The following CHRM3 variants were observed in gnomAD, a reference collection of about 807,000 sequenced individuals.
CHRM3 encodes muscarinic acetylcholine receptor M3.
Under a neutral mutation model 41.8 loss-of-function variants are expected in CHRM3, and 11 were observed. That is an observed-to-expected ratio of 0.26 (90% confidence interval 0.17 to 0.44). The LOEUF (loss-of-function observed/expected upper bound fraction) is 0.44, where lower values mean the gene tolerates loss of function less well. Among genes scored for constraint, CHRM3 ranks in the 20% least tolerant of loss-of-function variants. CHRM3 has a pLI of 1.00. For missense variants in CHRM3, 571 were observed against 745.4 expected (o/e 0.77, Z 2.72); for synonymous variants, 297 against 301.4 (o/e 0.99, Z 0.15).
intron 2 of CHRM3, among the ~76,000 whole-genome samples, chr1:239,501,574 G>A (rs916739684): frequency 1.1e-4 from 16 of 152,232 alleles, no homozygotes; most frequent in African/African-American, 3.9e-4. Context: ...CTTTCAAGTG[G>A]GCTGGGCGTG....
At chr1:239,541,808 C>T (rs1658808673) in intron 2 of CHRM3, among the ~76,000 whole-genome samples, 2 of 152,176 alleles carry the variant, frequency 1.3e-5, no homozygotes, top group Admixed American at 6.5e-5. Flanking sequence ...CCACCATGCC[C>T]AGCCAATTTT....
At chr1:239,404,329 G>C (rs1371341971) in intron 1 of CHRM3, among the ~76,000 whole-genome samples, 3 of 134,944 alleles carry the variant, frequency 2.2e-5, no homozygotes, top group Non-Finnish European at 3.2e-5. Flanking sequence ...AGGAAGGAAG[G>C]AAGGAAGAAA....
intron 5 of CHRM3, among the ~76,000 whole-genome samples, chr1:239,760,410 G>A (rs557269615): frequency 4.7e-4 from 72 of 151,752 alleles, no homozygotes; most frequent in East Asian, 5.8e-4. Flanking sequence ...ATTGTAGCAC[G>A]GCAGTCAAGA....
intron 1 of CHRM3, among the ~76,000 whole-genome samples, chr1:239,445,132 T>C (rs1572329500): frequency 6.6e-6 from 1 of 152,198 alleles, no homozygotes. Flanking sequence ...ACCATGCACA[T>C]GTGGAATACT....
At chr1:239,880,530 A>G (rs765088680) in intron 6 of CHRM3, among the ~76,000 whole-genome samples, 1 of 152,184 alleles carries the variant, frequency 6.6e-6, no homozygotes, top group Non-Finnish European at 1.5e-5. Flanking sequence ...GAGTCTCACT[A>G]TGTTGCCCAG....
intron 6 of CHRM3, among the ~76,000 whole-genome samples, chr1:239,893,870 G>A (rs1678759883): frequency 6.6e-6 from 1 of 151,778 alleles, no homozygotes; most frequent in Non-Finnish European, 1.5e-5. Context: ...CCTTAGCCAT[G>A]TATAAAATTC....
chr1:239,816,185 C>A (rs909289867), intron 5 of CHRM3, among the ~76,000 whole-genome samples: 1 of 152,158 alleles, frequency 6.6e-6, no homozygotes, highest in African/African-American at 2.4e-5. Context: ...TGCAGAGAAG[C>A]ATCCAGAATG....
At chr1:239,654,787 G>A (rs967323452) in intron 4 of CHRM3, among the ~76,000 whole-genome samples, 1 of 152,208 alleles carries the variant, frequency 6.6e-6, no homozygotes, top group East Asian at 1.9e-4. Context: ...TTGGAACAAA[G>A]TGAGAATAAG....
intron 1 of CHRM3, among the ~76,000 whole-genome samples, chr1:239,457,393 C>A (rs1219479223): frequency 6.6e-6 from 1 of 152,028 alleles, no homozygotes; most frequent in Non-Finnish European, 1.5e-5. Context: ...ACAGTTTACA[C>A]TCCAGAAAAA....
chr1:239,799,207 G>A (rs370799760), intron 5 of CHRM3, among the ~76,000 whole-genome samples: 8 of 152,148 alleles, frequency 5.3e-5, no homozygotes, highest in South Asian at 4.1e-4. Context: ...CCAATGGACC[G>A]GGAACTTAAC....
intron 3 of CHRM3, among the ~76,000 whole-genome samples, chr1:239,570,783 T>C (rs2148533974): frequency 2.0e-5 from 3 of 152,244 alleles, no homozygotes; most frequent in Admixed American, 2.0e-4. Context: ...AGTAAGTGAC[T>C]GAGAGGTCAC....
intron 5 of CHRM3, among the ~76,000 whole-genome samples, chr1:239,808,715 C>T (rs770397115): frequency 9.2e-5 from 14 of 152,128 alleles, no homozygotes; most frequent in Non-Finnish European, 1.8e-4. Flanking sequence ...TTTTCCTGTA[C>T]TTTCTGTGAT....
chr1:239,571,914 A>G (rs1661864264), intron 3 of CHRM3, among the ~76,000 whole-genome samples: 2 of 152,094 alleles, frequency 1.3e-5, no homozygotes, highest in Non-Finnish European at 2.9e-5. Context: ...TTGCAGTAGG[A>G]CTGACTTCTT....
intron 6 of CHRM3, among the ~76,000 whole-genome samples, chr1:239,849,588 C>T (rs1674534125): frequency 6.6e-6 from 1 of 152,082 alleles, no homozygotes; most frequent in African/African-American, 2.4e-5. Context: ...CAAAAAGAAC[C>T]TATCAAATAT....
At chr1:239,513,466 T>C (rs1265471743) in intron 2 of CHRM3, among the ~76,000 whole-genome samples, 1 of 152,210 alleles carries the variant, frequency 6.6e-6, no homozygotes, top group Non-Finnish European at 1.5e-5. Flanking sequence ...CATGTTTTAA[T>C]TGGGTTATTT....
chr1:239,907,463 C>T lies in CHRM3; in HGVS notation c.12C>T (p.His4=), dbSNP rs140378182. 69 of 1,613,236 alleles carry T rather than the reference C, an allele frequency of 4.3e-5. No homozygotes were observed. The highest frequency in any genetic ancestry group is 5.2e-5 in the Non-Finnish European group (61 of 1,179,488). Reference sequence around the variant, plus strand: ...GTCAGAGAGTCACAATGACCTTGCACAATAACAGTACAACCTCGCCTTTGT... The same window carrying T: ...GTCAGAGAGTCACAATGACCTTGCATAATAACAGTACAACCTCGCCTTTGT... MTL[H]NNSTTSPLFP... is the part of the protein sequence containing the mutation. The change falls in exon 7 of 7, where the codon CAC becomes CAT. Residue 4 remains histidine (H), a synonymous_variant. Coordinates refer to ENST00000676153, the MANE Select transcript of CHRM3 (RefSeq NM_001375978.1). The surrounding 1 kb of genome is among the most constrained non-coding windows in gnomAD (Gnocchi z 5.4).
At chr1:239,791,296 G>A (rs1343671600) in intron 5 of CHRM3, among the ~76,000 whole-genome samples, 1 of 152,074 alleles carries the variant, frequency 6.6e-6, no homozygotes. Flanking sequence ...GTAGAGACAG[G>A]GTTTCACCAT....
intron 5 of CHRM3, among the ~76,000 whole-genome samples, chr1:239,715,329 T>C (rs2148269399): frequency 1.3e-5 from 2 of 152,210 alleles, no homozygotes; most frequent in East Asian, 3.9e-4. Flanking sequence ...ACCAGAATTT[T>C]TGTCAATGAT....
At position 239,581,643 on chromosome 1, in the gene CHRM3, G is replaced by A. The variant is rs2148591829; in HGVS notation, c.-313+35894G>A. On this transcript the variant is annotated intron_variant, in intron 3 of 6. Coordinates refer to ENST00000676153, the MANE Select transcript of CHRM3 (RefSeq NM_001375978.1). ...CTCTGTTTAGAATGGTTTATTGGCAGCCAACACTATGCTAATATCTTAATA... is the reference window on the plus strand; with the variant it reads ...CTCTGTTTAGAATGGTTTATTGGCAACCAACACTATGCTAATATCTTAATA... Among the ~76,000 whole-genome samples the A allele has an allele frequency of 2.6e-5, 4 of 152,220 alleles. 1 individual carries two copies. In the South Asian group the frequency reaches 8.3e-4, roughly 32 times the overall value.
Sources: allele counts gnomAD v4.1 joint callset (sites outside exome capture counted in the v4.1 genomes callset), GRCh38; gene constraint gnomAD v4.1.1; non-coding constraint Gnocchi (gnomAD v3.1); transcripts MANE v1.5; gene names NCBI Gene and HGNC (gene_info 2026-07-23, HGNC 2026-07-21).